The following NEK9 variants were observed in gnomAD, a reference collection of about 807,000 sequenced individuals.
NEK9 encodes serine/threonine-protein kinase Nek9.
NEK9 carries 75 observed loss-of-function variants against 123.4 expected under a neutral mutation model. That is an observed-to-expected ratio of 0.61 (90% CI 0.50 to 0.74). The LOEUF is 0.74. Ranked by LOEUF, NEK9 falls within the 30% of genes least tolerant of loss-of-function variation. The pLI is 0.00. For missense variants in NEK9, 952 were observed against 1,214.4 expected (o/e 0.78, Z 3.21); for synonymous variants, 438 against 458.7 (o/e 0.95, Z 0.58).
At position 75,091,489 on chromosome 14, in the gene NEK9, TACAGCACAGAAATAG is replaced by T. The variant is rs753307484; in HGVS notation, c.2234-26_2234-12del. The T allele has an allele frequency of 1.6e-4, 248 of 1,560,938 alleles. No homozygotes were observed. The highest frequency in any genetic ancestry group is 2.0e-4 in the Non-Finnish European group (237 of 1,156,906). On this transcript the variant is annotated splice_polypyrimidine_tract_variant and intron_variant, in intron 18 of 21. Coordinates refer to ENST00000238616, the MANE Select transcript of NEK9 (RefSeq NM_033116.6). ...TAGAGCTCTGAAACACTGACAGATA[TACAGCACAGAAATAG>T]ACAGCTTTGCTATGCAGCAAGACAG...
chr14:75,113,318 A>G, intron 8 of NEK9, 21 bp downstream of exon 8: 1 of 1,590,294 alleles, frequency 6.3e-7, no homozygotes. Flanking sequence ...AAGACAATGG[A>G]GTGACTTCTT....
intron 12 of NEK9, 146 bp downstream of exon 12, chr14:75,106,356 C>G: frequency 1.5e-6 from 1 of 650,716 alleles, no homozygotes; most frequent in Non-Finnish European, 2.4e-6. Flanking sequence ...GAGACTCTGT[C>G]TCGAGAAAAA....
chr14:75,086,420 A>T (rs1894026060), intron 21 of NEK9: 1 of 151,466 alleles, frequency 6.6e-6, no homozygotes, highest in Admixed American at 6.6e-5. Flanking sequence ...TACTAGTATT[A>T]ATTTTTTTAG....
intron 8 of NEK9, among the ~76,000 whole-genome samples, chr14:75,110,672 A>T: frequency 6.6e-6 from 1 of 151,900 alleles, no homozygotes; most frequent in African/African-American, 2.4e-5. Context: ...TTAGTATCTG[A>T]TGGACACCTT....
At chr14:75,106,251 C>G in intron 12 of NEK9, 1 of 565,192 alleles carries the variant, frequency 1.8e-6, no homozygotes, top group Non-Finnish European at 3.1e-6. Flanking sequence ...CCCAGCTACT[C>G]GGGAGGCTGA....
chr14:75,091,564 G>T, intron 18 of NEK9, 86 bp from the exon 19 acceptor site: 1 of 1,208,998 alleles, frequency 8.3e-7, no homozygotes, highest in Non-Finnish European at 1.1e-6. Flanking sequence ...ACCCTGGAAA[G>T]GTGCCTATAA....
rs781646268 is a variant in NEK9 at position 75,118,930 on chromosome 14, A to C, written c.530T>G (p.Ile177Arg). 19 of 1,487,086 alleles carry C rather than the reference A, an allele frequency of 1.3e-5. No individual in the cohort carries two copies. The highest frequency in any genetic ancestry group is 1.8e-5 in the Non-Finnish European group (19 of 1,067,768). 92.1% of individuals were successfully genotyped at this position (1,487,086 alleles called of 1,614,324 possible). The change falls in exon 5 of 22, where the codon ATA becomes AGA. Residue 177 changes from isoleucine (I) to arginine (R), a missense_variant. Coordinates refer to ENST00000238616, the MANE Select transcript of NEK9 (RefSeq NM_033116.6). ...GGTCAGAAAAATATTTAATGTCTTT[A>C]TATCTCTGAAAAAAAAAGATGCTGC... is the stretch of plus-strand genomic sequence containing the variant. The part of the protein sequence containing the change: ...IHKAGILHRD[I>R]KTLNIFLTKA...
rs1462548753 is a variant in NEK9, at chr14:75,087,300, C to G, written c.2605-70G>C. On this transcript the variant is annotated intron_variant, in intron 20 of 21. Transcript: ENST00000238616. The stretch of plus-strand genomic sequence containing the variant: ...CATAGCTCCTCAATCCAAACTTCCT[C>G]TAAGTGCAATCGGATTTTACTTTTA... 1.7e-6 allele frequency: 2 copies of G among 1,162,616 alleles called. No homozygotes were observed. The highest frequency in any genetic ancestry group is 1.5e-5 in the African/African-American group (1 of 64,886). The allele number at this position is 1,162,616 out of a possible 1,614,324, so 72.0% of individuals were successfully genotyped here. A position where few individuals can be genotyped will look rare whatever the true frequency, so the allele number is the denominator to read the frequency against.
At chr14:75,111,933 A>G (rs1894971093) in intron 8 of NEK9, among the ~76,000 whole-genome samples, 1 of 152,180 alleles carries the variant, frequency 6.6e-6, no homozygotes, top group Admixed American at 6.5e-5. Flanking sequence ...AAATCATTAT[A>G]TTGCTGTGAA....
intron 3 of NEK9, 66 bp downstream of exon 3, chr14:75,121,053 A>G (rs762013542): frequency 5.5e-6 from 7 of 1,270,648 alleles, no homozygotes; most frequent in East Asian, 2.3e-5. Flanking sequence ...AAGAGTAAAT[A>G]CAGAACTAGA....
At chr14:75,114,357 T>A in intron 6 of NEK9, 44 bp from the exon 7 acceptor site, 2 of 1,445,984 alleles carry the variant, frequency 1.4e-6, no homozygotes, top group Non-Finnish European at 1.9e-6. Context: ...TATATAAAGA[T>A]GATGCTATAC....
chr14:75,123,973 A>C, intron 2 of NEK9, 73 bp downstream of exon 2: 1 of 1,280,496 alleles, frequency 7.8e-7, no homozygotes, highest in South Asian at 1.3e-5. Flanking sequence ...GTCTCTTCTT[A>C]TATTCTTCTC....
intron 21 of NEK9, 95 bp from the exon 22 acceptor site, chr14:75,084,781 T>C (rs952390242): frequency 8.5e-6 from 13 of 1,526,076 alleles, no homozygotes; most frequent in Admixed American, 1.7e-5. Flanking sequence ...TTCTAAGGCA[T>C]TGGCTAAGGC....
At chr14:75,120,393 C>T (rs1273815443) in intron 4 of NEK9, 117 bp downstream of exon 4, 1 of 615,720 alleles carries the variant, frequency 1.6e-6, no homozygotes, top group East Asian at 2.8e-5. Flanking sequence ...CTAGTGATAT[C>T]AATGGAAAAA....
chr14:75,127,032 C>T lies in NEK9; in HGVS notation c.-111G>A, dbSNP rs1017306405. 1.2e-6 allele frequency: 1 copy of T among 869,116 alleles called. No individual in the cohort carries two copies. The highest frequency in any genetic ancestry group is 1.7e-6 in the Non-Finnish European group (1 of 597,938). 53.8% of individuals were successfully genotyped at this position (869,116 alleles called of 1,614,324 possible). A position where few individuals can be genotyped will look rare whatever the true frequency, so the allele number is the denominator to read the frequency against. On this transcript the variant is annotated 5_prime_UTR_variant, in exon 1 of 22. Coordinates refer to ENST00000238616, the MANE Select transcript of NEK9 (RefSeq NM_033116.6). ...CCGCGGATCCGTCAGCCCAGCAACC[C>T]CGCGAAGCTCGATGGTGGCTCCTGC...
intron 8 of NEK9, among the ~76,000 whole-genome samples, chr14:75,112,885 C>T (rs1895002885): frequency 6.6e-6 from 1 of 152,136 alleles, no homozygotes; most frequent in Non-Finnish European, 1.5e-5. Flanking sequence ...TTGATAGGCA[C>T]CCTATGCCAG....
At position 75,109,834 on chromosome 14, in the gene NEK9, G is replaced by A. The variant is rs1237535497; in HGVS notation, c.1033C>T (p.Arg345Ter). The A allele has an allele frequency of 7.4e-6, 12 of 1,613,744 alleles. No individual in the cohort carries two copies. The highest frequency in any genetic ancestry group is 5.0e-5 in the Admixed American group (3 of 59,890). ...TEAPIAVVTS[R>*]TSEVYVWGGG... ...CCCCAAACATAGACTTCACTGGTTC[G>A]TGATGTTACTACAGCAATGGGTGCT... Residue 345 changes from arginine to a stop codon, truncating the protein, a stop_gained, in exon 10 of 22, where the codon CGA (arginine) becomes TGA (stop). Transcript: ENST00000238616. LOFTEE classifies it high-confidence loss of function.
rs1358617266 is a variant in NEK9 at position 75,118,950 on chromosome 14, T to C, written c.525-15A>G. On this transcript the variant is annotated splice_polypyrimidine_tract_variant and intron_variant, in intron 4 of 21. Coordinates refer to ENST00000238616, the MANE Select transcript of NEK9 (RefSeq NM_033116.6). ...TCTTTATATCTCTGAAAAAAAAAGA[T>C]GCTGCAAATTAAGTTCACACAGATA... The C allele has an allele frequency of 7.7e-7, 1 of 1,290,902 alleles. No homozygotes were observed. The highest frequency in any genetic ancestry group is 1.2e-5 in the South Asian group (1 of 83,704). 80.0% of individuals were successfully genotyped at this position (1,290,902 alleles called of 1,614,324 possible).
intron 15 of NEK9, 101 bp from the exon 16 acceptor site, chr14:75,101,254 A>C: frequency 8.1e-7 from 1 of 1,239,586 alleles, no homozygotes. Flanking sequence ...CGGTTGTTAG[A>C]ATATACAAAT....
Sources: gnomAD v4.1 joint callset for allele counts (sites outside exome capture counted in the v4.1 genomes callset) on GRCh38, gnomAD v4.1.1 for gene constraint, MANE v1.5 for transcripts, NCBI Gene and HGNC (gene_info 2026-07-23, HGNC 2026-07-21) for gene names.